The following FAT4 variants were observed in gnomAD, a reference collection of about 807,000 sequenced individuals.
FAT4 encodes the protein protocadherin Fat 4.
FAT4 carries 84 observed loss-of-function variants against 303.9 expected under a neutral mutation model. That is an observed-to-expected ratio of 0.28 (90% confidence interval 0.23 to 0.33). The LOEUF is 0.33. Among genes scored for constraint, FAT4 ranks in the 10% least tolerant of loss-of-function variants. FAT4 has a pLI of 1.00. For missense variants in FAT4, 6,005 were observed against 6,146.8 expected, an observed-to-expected ratio of 0.98 and a Z score of 0.77; for synonymous variants, 2,307 against 2,298.8, an observed-to-expected ratio of 1.00 and a Z score of -0.10.
In FAT4 at chr4:125,452,735, A is replaced by G. The variant is rs531337325; in HGVS notation, c.11725A>G (p.Ser3909Gly). Residue 3909 changes from serine to glycine, a missense_variant, in exon 10 of 18, where the codon AGT (serine) becomes GGT (glycine). By Grantham distance (56) the Ser-to-Gly change is moderately conservative (BLOSUM62 0). Transcript: ENST00000394329. ...CERDINECLQ[S>G]PCKNGAICQN... ...GAGAGATATCAATGAGTGCCTGCAG[A>G]GTCCTTGCAAGAATGGTGCCATCTG... is the stretch of plus-strand genomic sequence containing the variant. 1.7e-5 allele frequency: 27 copies of G among 1,614,136 alleles called. No individual in the cohort carries two copies. In the East Asian group the frequency reaches 5.8e-4, roughly 35 times the overall value.
At chr4:125,413,782 A>G (rs976815352) in intron 5 of FAT4, among the ~76,000 whole-genome samples, 6 of 152,012 alleles carry the variant, frequency 3.9e-5, no homozygotes, top group African/African-American at 1.4e-4. Context: ...AGGGTGATTA[A>G]ATTGTTCTAG....
Position 125,446,359 on chromosome 4 carries a change from C to T in FAT4, c.7266C>T (p.Ser2422=), listed in dbSNP as rs147010455. 2.0e-4 allele frequency: 326 copies of T among 1,612,850 alleles called. 3 individuals carry two copies. In the East Asian group the frequency reaches 6.1e-3, roughly 30 times the overall value. Residue 2422 remains serine, a synonymous_variant, in exon 9 of 18, where the codon AGC becomes AGT. Transcript: ENST00000394329. ...INPSTGQIIT[S]ALLDRETKDN... ...CATCGACAGGACAAATCATCACCAG[C>T]GCATTGTTAGATAGGGAAACAAAAG...
At chr4:125,402,519 TAGACTC>T (rs1734427765) in intron 3 of FAT4, among the ~76,000 whole-genome samples, 2 of 152,048 alleles carry the variant, frequency 1.3e-5, no homozygotes, top group Non-Finnish European at 2.9e-5. Flanking sequence ...GGTAATGTCT[TAGACTC>T]AGCTGTTCCA....
chr4:125,489,341 A>G (rs1229507449), intron 17 of FAT4, among the ~76,000 whole-genome samples: 4 of 152,180 alleles, frequency 2.6e-5, no homozygotes, highest in Non-Finnish European at 5.9e-5. Flanking sequence ...ATAAAATGTT[A>G]ACACCAGAGG....
At chr4:125,342,713 TA>T (rs148970299) in intron 2 of FAT4, among the ~76,000 whole-genome samples, 3,896 of 147,154 alleles carry the variant, frequency 0.026, 77 homozygotes, top group East Asian at 0.079. Flanking sequence ...GTTTGAATTT[TA>T]TTTTTTTATT....
chr4:125,382,605 T>C (rs999581897), intron 2 of FAT4, among the ~76,000 whole-genome samples: 6 of 152,144 alleles, frequency 3.9e-5, no homozygotes, highest in African/African-American at 1.4e-4. Flanking sequence ...GGCTTCAGGA[T>C]TTTCAGAATG....
At chr4:125,366,828 A>C (rs987769951) in intron 2 of FAT4, among the ~76,000 whole-genome samples, 1 of 151,520 alleles carries the variant, frequency 6.6e-6, no homozygotes, top group African/African-American at 2.4e-5. Context: ...TGTGGTTTTG[A>C]CTTGCATTTC....
intron 8 of FAT4, among the ~76,000 whole-genome samples, chr4:125,441,921 A>G (rs564727246): frequency 4.6e-4 from 70 of 152,290 alleles, no homozygotes; most frequent in Non-Finnish European, 9.0e-4. Flanking sequence ...GCAAACTACT[A>G]CCTGCAGGCC....
At position 125,448,710 on chromosome 4, in the gene FAT4, C is replaced by T; in HGVS notation, c.7700C>T (p.Pro2567Leu). The T allele has an allele frequency of 6.2e-7, 1 of 1,613,884 alleles. No homozygotes were observed. The highest frequency in any genetic ancestry group is 1.1e-5 in the South Asian group (1 of 91,080). The change falls in exon 10 of 18, where the codon CCT becomes CTT. Residue 2567 changes from proline (P) to leucine (L), a missense_variant. Physicochemically the swap from Pro to Leu is moderately conservative, Grantham distance 98. Transcript: ENST00000394329. ...TVRFVNKADFPKVRAKEQTFM... is the reference protein window; with the variant it reads ...TVRFVNKADFLKVRAKEQTFM... ...AGATTCGTGAATAAGGCCGATTTCC[C>T]TAAAGTGAGAGCCAAAGAACAAACG...
chr4:125,340,240 T>G (rs946775085), intron 2 of FAT4, among the ~76,000 whole-genome samples: 1 of 152,200 alleles, frequency 6.6e-6, no homozygotes, highest in Non-Finnish European at 1.5e-5. Flanking sequence ...CAAAACTTAA[T>G]GTACATGAGA....
chr4:125,321,069 C>G lies in FAT4; in HGVS notation c.4658C>G (p.Ala1553Gly), dbSNP rs778393594. The G allele has an allele frequency of 6.2e-7, 1 of 1,614,152 alleles. No homozygotes were observed. Among genetic ancestry groups the G allele is most frequent in the South Asian group, 1.1e-5 (1 of 91,082 alleles). ...TCCGTTCTGACAACAATTATGGCTG[C>G]TGACCCAGATGAAGGTGCTAATGGA... ...IGSVLTTIMAADPDEGANGEI... is the reference protein window; with the variant it reads ...IGSVLTTIMAGDPDEGANGEI... Residue 1553 changes from alanine (A) to glycine (G), a missense_variant, in exon 2 of 18, where the codon GCT becomes GGT. Physicochemically the swap from Ala to Gly is moderately conservative, Grantham distance 60 (BLOSUM62 0). Transcript: ENST00000394329.
rs1435245729 is a variant in FAT4, at chr4:125,318,794, C to A, written c.2383C>A (p.Gln795Lys). 2.4e-5 allele frequency: 38 copies of A among 1,614,164 alleles called. No individual in the cohort carries two copies. The highest frequency in any genetic ancestry group is 3.1e-5 in the Non-Finnish European group (37 of 1,180,034). ...DTQDNPPVFS[Q>K]VAYSFVVFEN... is the part of the protein sequence containing the mutation. ...TCAAGACAACCCACCTGTATTCAGT[C>A]AGGTTGCCTACAGCTTTGTGGTTTT... The change falls in exon 2 of 18, where the codon CAG becomes AAG. Residue 795 changes from glutamine to lysine, a missense_variant. Coordinates refer to ENST00000394329, the MANE Select transcript of FAT4 (RefSeq NM_001291303.3).
rs1441735905 is a variant in FAT4, at chr4:125,436,199, A to AG, written c.7199+1774_7199+1775insG. Among the ~76,000 whole-genome samples the AG allele has an allele frequency of 7.2e-5, 11 of 151,842 alleles. No homozygotes were observed. The East Asian group carries it at 1.2e-3, about 16-fold the overall frequency. ...AGAACTTAAAGTATAATAATAAAAA[A>AG]AAAACAAAGAAATTGGACGTGAGAT... On this transcript the variant is annotated intron_variant, in intron 8 of 17. Coordinates refer to ENST00000394329, the MANE Select transcript of FAT4 (RefSeq NM_001291303.3).
rs980795790 is a variant in FAT4 at position 125,415,380 on chromosome 4, G to A, written c.6417G>A (p.Glu2139=). 1.9e-5 allele frequency: 30 copies of A among 1,613,870 alleles called. No individual in the cohort carries two copies. The highest frequency in any genetic ancestry group is 2.5e-5 in the Non-Finnish European group (30 of 1,179,978). Residue 2139 remains glutamate, a synonymous_variant, in exon 6 of 18, where the codon GAG becomes GAA. Transcript: ENST00000394329. ...AACCATCTCTCTCTTCATCTACAGA[G>A]GTTGTAGTTATGGTACTTGACATCA... ...KGQPSLSSST[E]VVVMVLDIND...
At chr4:125,409,657 C>T (rs1331887894) in intron 5 of FAT4, among the ~76,000 whole-genome samples, 1 of 152,166 alleles carries the variant, frequency 6.6e-6, no homozygotes, top group Non-Finnish European at 1.5e-5. Context: ...TAAATTTATA[C>T]TTTACATGTG....
intron 2 of FAT4, among the ~76,000 whole-genome samples, chr4:125,375,103 T>C (rs1265793861): frequency 6.6e-6 from 1 of 152,164 alleles, no homozygotes; most frequent in Admixed American, 6.5e-5. Context: ...AGATTATCAC[T>C]TGAGAAAAGA....
At chr4:125,420,588 G>C (rs1735250533) in intron 7 of FAT4, among the ~76,000 whole-genome samples, 1 of 152,008 alleles carries the variant, frequency 6.6e-6, no homozygotes, top group African/African-American at 2.4e-5. Flanking sequence ...TTGCTACATT[G>C]GCTGTGGTCA....
At chr4:125,447,109 T>C (rs978053264) in intron 9 of FAT4, among the ~76,000 whole-genome samples, 4 of 152,148 alleles carry the variant, frequency 2.6e-5, no homozygotes, top group Non-Finnish European at 5.9e-5. Context: ...TGGATCCATT[T>C]ATGAATCATT....
intron 2 of FAT4, among the ~76,000 whole-genome samples, chr4:125,336,795 C>A (rs1215375011): frequency 6.6e-6 from 1 of 150,558 alleles, no homozygotes; most frequent in Non-Finnish European, 1.5e-5. Context: ...GATGTTGAGG[C>A]GATATGTTAG....
Sources: gnomAD v4.1 joint callset for allele counts (sites outside exome capture counted in the v4.1 genomes callset) on GRCh38, gnomAD v4.1.1 for gene constraint, MANE v1.5 for transcripts, NCBI Gene and HGNC (gene_info 2026-07-23, HGNC 2026-07-21) for gene names.